Variants in PTPRD observed in about 807,000 individuals in gnomAD.
PTPRD encodes the protein receptor-type tyrosine-protein phosphatase delta.
Under a neutral mutation model 214.5 loss-of-function variants are expected in PTPRD, and 34 were observed. The observed-to-expected ratio is 0.16, with a 90% CI of 0.12 to 0.21. PTPRD has a LOEUF of 0.21. Among genes scored for constraint, PTPRD ranks in the 10% least tolerant of loss-of-function variants. The pLI is 1.00. For missense variants in PTPRD, 2,545 were observed against 2,398.7 expected, an observed-to-expected ratio of 1.06 and a Z score of -1.27; for synonymous variants, 1,128 against 845.7, an observed-to-expected ratio of 1.33 and a Z score of -5.79.
intron 11 of PTPRD, among the ~76,000 whole-genome samples, chr9:8,797,488 T>G (rs898271543): frequency 1.3e-5 from 2 of 152,184 alleles, no homozygotes; most frequent in Non-Finnish European, 2.9e-5. Context: ...ATGATGCAGT[T>G]AGGAAAAGTT....
At chr9:9,067,570 G>T (rs1590947644) in intron 10 of PTPRD, among the ~76,000 whole-genome samples, 1 of 152,092 alleles carries the variant, frequency 6.6e-6, no homozygotes, top group African/African-American at 2.4e-5. Context: ...TATACTTCAA[G>T]GTTTGCAAGG....
intron 14 of PTPRD, among the ~76,000 whole-genome samples, chr9:8,544,276 C>G (rs539019216): frequency 2.5e-4 from 37 of 146,786 alleles, no homozygotes; most frequent in African/African-American, 6.8e-4. Flanking sequence ...AAGCAATTTG[C>G]CTGCCTCAGC....
At chr9:10,367,957 G>C (rs528008827) in intron 2 of PTPRD, among the ~76,000 whole-genome samples, 1 of 152,070 alleles carries the variant, frequency 6.6e-6, no homozygotes, top group Non-Finnish European at 1.5e-5. Context: ...GGTGATCAAT[G>C]AGTAACAGCC....
chr9:9,814,470 G>C (rs949934725), intron 5 of PTPRD, among the ~76,000 whole-genome samples: 6 of 152,070 alleles, frequency 3.9e-5, no homozygotes, highest in Admixed American at 3.9e-4. Flanking sequence ...AAAAAATCGT[G>C]TTGCATTTTT....
chr9:10,333,034 A>C (rs2096779914), intron 3 of PTPRD, among the ~76,000 whole-genome samples: 1 of 151,918 alleles, frequency 6.6e-6, no homozygotes, highest in East Asian at 1.9e-4. Context: ...GATGTATCTT[A>C]ACAGCTTGAA....
chr9:10,537,112 A>G (rs1442628091), intron 2 of PTPRD, among the ~76,000 whole-genome samples: 1 of 152,180 alleles, frequency 6.6e-6, no homozygotes, highest in Non-Finnish European at 1.5e-5. Flanking sequence ...TAAAAACTAT[A>G]GGACTATTGT....
chr9:10,065,747 A>G (rs919143920), intron 3 of PTPRD, among the ~76,000 whole-genome samples: 1 of 151,868 alleles, frequency 6.6e-6, no homozygotes, highest in Admixed American at 6.6e-5. Flanking sequence ...TAGCCCTGTT[A>G]TTGCTCCTTA....
At chr9:9,882,667 T>A (rs1011675444) in intron 5 of PTPRD, among the ~76,000 whole-genome samples, 1 of 152,196 alleles carries the variant, frequency 6.6e-6, no homozygotes, top group Non-Finnish European at 1.5e-5. Context: ...ATTTAGGTTG[T>A]GCATTAAATG....
At chr9:9,001,531 G>C (rs980270899) in intron 11 of PTPRD, among the ~76,000 whole-genome samples, 1 of 151,880 alleles carries the variant, frequency 6.6e-6, no homozygotes, top group Non-Finnish European at 1.5e-5. Flanking sequence ...GGCACCACAG[G>C]CTTCTTTAGG....
chr9:8,544,718 T>C (rs368305461), intron 14 of PTPRD, among the ~76,000 whole-genome samples: 4 of 145,118 alleles, frequency 2.8e-5, no homozygotes, highest in South Asian at 2.2e-4. Flanking sequence ...TGACCCACCA[T>C]TGTCGGCCTC....
intron 8 of PTPRD, among the ~76,000 whole-genome samples, chr9:9,514,855 G>A (rs989287275): frequency 2.6e-5 from 4 of 151,998 alleles, no homozygotes; most frequent in Non-Finnish European, 4.4e-5. Context: ...GCTCCAAAGT[G>A]CCTAGTTCTC....
At chr9:8,837,392 G>C (rs1258338668) in intron 11 of PTPRD, among the ~76,000 whole-genome samples, 1 of 152,126 alleles carries the variant, frequency 6.6e-6, no homozygotes, top group Non-Finnish European at 1.5e-5. Context: ...CCTCCAGCTA[G>C]AAAATAAATT....
At chr9:10,226,269 G>C (rs964576603) in intron 3 of PTPRD, among the ~76,000 whole-genome samples, 2 of 152,060 alleles carry the variant, frequency 1.3e-5, no homozygotes, top group Non-Finnish European at 2.9e-5. Flanking sequence ...CAATGGATTA[G>C]ATGGCCACAG....
At chr9:10,143,496 TCTGGAAATTTCTCAAAGAA>T in intron 3 of PTPRD, among the ~76,000 whole-genome samples, 1 of 152,076 alleles carries the variant, frequency 6.6e-6, no homozygotes, top group East Asian at 1.9e-4. Flanking sequence ...TGGAGAGCAG[TCTGGAAATTTCTCAAAGAA>T]CTAAGAGTTG....
intron 10 of PTPRD, among the ~76,000 whole-genome samples, chr9:9,054,270 C>T (rs959975754): frequency 1.2e-4 from 18 of 152,068 alleles, no homozygotes; most frequent in South Asian, 4.2e-4. Flanking sequence ...CTCATTGTCA[C>T]GAATAAATGA....
intron 2 of PTPRD, among the ~76,000 whole-genome samples, chr9:10,546,241 C>G (rs892240549): frequency 2.6e-5 from 4 of 151,822 alleles, no homozygotes; most frequent in African/African-American, 9.7e-5. Flanking sequence ...TGGAAAGTAG[C>G]TGTTCTTAGT....
intron 12 of PTPRD, among the ~76,000 whole-genome samples, chr9:8,685,535 G>T (rs148520632): frequency 1.3e-5 from 2 of 152,238 alleles, no homozygotes; most frequent in Non-Finnish European, 2.9e-5. Context: ...AACACATCAG[G>T]AACAGTTGGA....
At chr9:8,359,864 G>GATA (rs2078023950) in intron 39 of PTPRD, among the ~76,000 whole-genome samples, 1 of 151,932 alleles carries the variant, frequency 6.6e-6, no homozygotes, top group African/African-American at 2.4e-5. Flanking sequence ...CCTTTCCTTA[G>GATA]GCATATGGCT....
At chr9:9,859,697 C>G (rs1338090155) in intron 5 of PTPRD, among the ~76,000 whole-genome samples, 1 of 152,150 alleles carries the variant, frequency 6.6e-6, no homozygotes, top group Non-Finnish European at 1.5e-5. Context: ...AGTTAATGCT[C>G]CTGAGATCTA....
Sources: gnomAD v4.1 joint callset for allele counts (sites outside exome capture counted in the v4.1 genomes callset) on GRCh38, gnomAD v4.1.1 for gene constraint, MANE v1.5 for transcripts, NCBI Gene and HGNC (gene_info 2026-07-23, HGNC 2026-07-21) for gene names.